Variants in SYN2 observed in about 807,000 individuals in gnomAD.
SYN2 encodes synapsin-2.
Under a neutral mutation model 50.9 loss-of-function variants are expected in SYN2, and 19 were observed. The ratio of observed to expected loss-of-function variants is 0.37; its 90% CI spans 0.26 to 0.55. The LOEUF (loss-of-function observed/expected upper bound fraction) is 0.55, where lower values mean the gene tolerates loss of function less well. SYN2 is among the 20% of genes least tolerant of loss of function. SYN2 has a pLI of 0.81. For synonymous variants in SYN2, 255 were observed against 224.9 expected (o/e 1.13, Z -1.20); for missense variants, 587 against 576.4 (o/e 1.02, Z -0.19).
At chr3:12,045,489 T>C (rs928259033) in intron 1 of SYN2, among the ~76,000 whole-genome samples, 2 of 152,180 alleles carry the variant, frequency 1.3e-5, no homozygotes, top group Non-Finnish European at 2.9e-5. Context: ...TGAATAGATG[T>C]TTTTCCCCCT....
chr3:12,065,494 T>C (rs749676724), intron 1 of SYN2, among the ~76,000 whole-genome samples: 43 of 152,210 alleles, frequency 2.8e-4, no homozygotes, highest in Middle Eastern at 3.2e-3. Context: ...GTGGTACATA[T>C]ATACTATGAA....
intron 5 of SYN2, chr3:12,154,596 A>G: frequency 1.3e-6 from 1 of 769,762 alleles, no homozygotes; most frequent in South Asian, 1.9e-5. Flanking sequence ...AGGGACCAAT[A>G]AATAAAACTA....
chr3:12,088,971 C>A (rs1250750168), intron 1 of SYN2, among the ~76,000 whole-genome samples: 1 of 152,032 alleles, frequency 6.6e-6, no homozygotes, highest in African/African-American at 2.4e-5. Context: ...AGCATGGTGA[C>A]CATAGTTAAT....
At chr3:12,153,564 C>T (rs760033899) in intron 5 of SYN2, 55 of 1,613,928 alleles carry the variant, frequency 3.4e-5, no homozygotes, top group Admixed American at 1.3e-4. Context: ...CAGGTGGCCC[C>T]GGTACCAGCT....
chr3:12,163,241 C>CAAAAAAAAAAAAAAA (rs11404808), intron 7 of SYN2, among the ~76,000 whole-genome samples: 1 of 122,598 alleles, frequency 8.2e-6, no homozygotes, highest in African/African-American at 3.3e-5. Context: ...GACTCTGTCT[C>CAAAAAAAAAAAAAAA]AAAAAAAAAA....
intron 1 of SYN2, among the ~76,000 whole-genome samples, chr3:12,044,181 TCACACACACACACACACA>T (rs1553610019): frequency 1.9e-5 from 1 of 53,360 alleles, no homozygotes; most frequent in Non-Finnish European, 4.6e-5. Flanking sequence ...TCTCTCTCTC[TCACACACACACACACACA>T]CACACACACA....
chr3:12,067,868 A>G (rs1301362836), intron 1 of SYN2, among the ~76,000 whole-genome samples: 1 of 152,206 alleles, frequency 6.6e-6, no homozygotes, highest in Non-Finnish European at 1.5e-5. Context: ...TGATACCAGC[A>G]TGGGCAATGT....
chr3:12,185,427 C>G (rs956001573), intron 11 of SYN2: 1 of 985,796 alleles, frequency 1.0e-6, no homozygotes, highest in Non-Finnish European at 1.2e-6. Context: ...CAAGGTCTTT[C>G]AGGTGGGGGA....
At chr3:12,060,422 C>A (rs1266908563) in intron 1 of SYN2, among the ~76,000 whole-genome samples, 3 of 152,146 alleles carry the variant, frequency 2.0e-5, no homozygotes, top group Non-Finnish European at 2.9e-5. Context: ...TTCTCTGACT[C>A]CAGCCCCCTC....
intron 1 of SYN2, among the ~76,000 whole-genome samples, chr3:12,035,939 A>G (rs1694490148): frequency 6.6e-6 from 1 of 152,182 alleles, no homozygotes; most frequent in Non-Finnish European, 1.5e-5. Context: ...ATGTTAAGAT[A>G]TTATCTTTAG....
intron 1 of SYN2, among the ~76,000 whole-genome samples, chr3:12,137,188 CAG>C (rs1696914110): frequency 6.7e-6 from 1 of 149,122 alleles, no homozygotes; most frequent in African/African-American, 2.5e-5. Context: ...GTCGAGGCTA[CAG>C]TGAGCTATGA....
At chr3:12,029,882 CTGAT>C (rs1694345083) in intron 1 of SYN2, among the ~76,000 whole-genome samples, 1 of 100,450 alleles carries the variant, frequency 1.0e-5, no homozygotes, top group Non-Finnish European at 1.8e-5. Flanking sequence ...TTTCTCTTGC[CTGAT>C]TGCCCTGGCC....
chr3:12,184,932 C>A, intron 11 of SYN2: 1 of 985,670 alleles, frequency 1.0e-6, no homozygotes, highest in Non-Finnish European at 1.2e-6. Flanking sequence ...CACCTCTATA[C>A]TGTCATGTCA....
intron 12 of SYN2, 31 bp from the exon 13 acceptor site, chr3:12,190,457 CCT>C: frequency 6.2e-7 from 1 of 1,612,440 alleles, no homozygotes; most frequent in South Asian, 1.1e-5. Context: ...GGAACACCAC[CCT>C]CTCACATTCT....
chr3:12,104,859 G>A (rs1473687582), intron 1 of SYN2, among the ~76,000 whole-genome samples: 1 of 152,076 alleles, frequency 6.6e-6, no homozygotes, highest in African/African-American at 2.4e-5. Context: ...GTGAGCCACC[G>A]CACCTGGCCC....
At chr3:12,028,751 A>T (rs1694320058) in intron 1 of SYN2, among the ~76,000 whole-genome samples, 1 of 148,672 alleles carries the variant, frequency 6.7e-6, no homozygotes, top group African/African-American at 2.5e-5. Context: ...AATTTGTTTG[A>T]GTTCTTTGTA....
intron 5 of SYN2, chr3:12,157,509 C>T (rs772838118): frequency 3.9e-5 from 63 of 1,609,208 alleles, no homozygotes; most frequent in Admixed American, 1.7e-5. Flanking sequence ...AAGAGGGAAC[C>T]TTCAGCAGCT....
chr3:12,016,381 A>G (rs1416125442), intron 1 of SYN2, among the ~76,000 whole-genome samples: 1 of 152,244 alleles, frequency 6.6e-6, no homozygotes, highest in Non-Finnish European at 1.5e-5. Context: ...TAATTATAGA[A>G]TATATGCTTT....
chr3:12,006,153 C>T (rs1693797997), intron 1 of SYN2, among the ~76,000 whole-genome samples: 1 of 152,058 alleles, frequency 6.6e-6, no homozygotes, highest in African/African-American at 2.4e-5. Context: ...TTGGGAGACC[C>T]AGAGGGAGGG....
Sources: allele counts gnomAD v4.1 joint callset (sites outside exome capture counted in the v4.1 genomes callset), GRCh38; gene constraint gnomAD v4.1.1; transcripts MANE v1.5; gene names NCBI Gene and HGNC (gene_info 2026-07-23, HGNC 2026-07-21).